Variants in DNAH7 observed in about 807,000 individuals in gnomAD.
DNAH7 encodes axonemal beta dynein heavy chain 7.
In DNAH7, 397 loss-of-function variants were observed where a neutral mutation model predicts 444.6. The ratio of observed to expected loss-of-function variants is 0.89; its 90% CI spans 0.82 to 0.97. The LOEUF is 0.97. DNAH7 is among the 50% of genes least tolerant of loss of function. The pLI is 0.00. For missense variants in DNAH7, 4,902 were observed against 4,800.8 expected, an observed-to-expected ratio of 1.02 and a Z score of -0.62; for synonymous variants, 1,636 against 1,624.4, an observed-to-expected ratio of 1.01 and a Z score of -0.17.
At chr2:195,790,640 GC>G (rs1695837588) in intron 57 of DNAH7, among the ~76,000 whole-genome samples, 2 of 152,118 alleles carry the variant, frequency 1.3e-5, no homozygotes, top group Admixed American at 1.3e-4. Flanking sequence ...CTAGCCATAT[GC>G]AGAAGAATGA....
At chr2:195,944,609 C>T (rs564665347) in intron 19 of DNAH7, among the ~76,000 whole-genome samples, 6 of 152,236 alleles carry the variant, frequency 3.9e-5, no homozygotes, top group African/African-American at 1.2e-4. Context: ...TTTCACCACC[C>T]CATGCTTTGC....
At chr2:196,034,965 G>A (rs187486472) in intron 5 of DNAH7, among the ~76,000 whole-genome samples, 20 of 152,276 alleles carry the variant, frequency 1.3e-4, no homozygotes, top group Non-Finnish European at 1.9e-4. Context: ...TGGATCACCC[G>A]AGGTCAGGAG....
At chr2:195,890,759 T>G (rs974326244) in intron 31 of DNAH7, among the ~76,000 whole-genome samples, 1 of 152,316 alleles carries the variant, frequency 6.6e-6, no homozygotes, top group East Asian at 1.9e-4. Context: ...CTAAGGTCTT[T>G]CCAGCAATAA....
At chr2:196,037,103 C>A (rs181381055) in intron 5 of DNAH7, among the ~76,000 whole-genome samples, 3 of 152,186 alleles carry the variant, frequency 2.0e-5, no homozygotes, top group East Asian at 3.8e-4. Context: ...CAAACACCCA[C>A]AGCCTAGCCA....
chr2:195,934,752 C>A lies in DNAH7; in HGVS notation c.3310G>T (p.Ala1104Ser), dbSNP rs774395604. The A allele has an allele frequency of 1.1e-5, 17 of 1,614,050 alleles. No individual in the cohort carries two copies. In the East Asian group the frequency reaches 3.8e-4, roughly 36 times the overall value. ...AAAGTTTCCGTAAATTCTACCTTTG[C>A]GATTCCTTCAAAACATTTCTTCAAG... Reference protein sequence around the residue: ...PHLKKCFEGIAKVEFTETLDI... With the variant: ...PHLKKCFEGISKVEFTETLDI... The change falls in exon 21 of 65, where the codon GCA becomes TCA. Residue 1104 changes from alanine to serine, a missense_variant. Ala to Ser is a moderately conservative substitution (Grantham distance 99). Coordinates refer to ENST00000312428, the MANE Select transcript of DNAH7 (RefSeq NM_018897.3).
intron 1 of DNAH7, among the ~76,000 whole-genome samples, chr2:196,061,695 G>A (rs1373030989): frequency 6.6e-6 from 1 of 152,148 alleles, no homozygotes; most frequent in African/African-American, 2.4e-5. Flanking sequence ...AGAAAGTGGA[G>A]AGTGGAAAGA....
At chr2:195,986,136 C>T (rs1223087745) in intron 14 of DNAH7, among the ~76,000 whole-genome samples, 3 of 152,198 alleles carry the variant, frequency 2.0e-5, no homozygotes, top group African/African-American at 7.2e-5. Flanking sequence ...ATTCTCCCCT[C>T]TCCCCCAAAC....
intron 57 of DNAH7, among the ~76,000 whole-genome samples, chr2:195,788,920 T>C (rs1301085170): frequency 6.6e-6 from 1 of 152,246 alleles, no homozygotes; most frequent in African/African-American, 2.4e-5. Flanking sequence ...TGTATGTGTG[T>C]ACATGTATAT....
At chr2:195,776,799 TA>T (rs1314966999) in intron 59 of DNAH7, among the ~76,000 whole-genome samples, 2 of 152,210 alleles carry the variant, frequency 1.3e-5, no homozygotes, top group Non-Finnish European at 2.9e-5. Context: ...GGACGTCTAT[TA>T]AAATTTCATA....
intron 61 of DNAH7, among the ~76,000 whole-genome samples, chr2:195,767,396 A>G (rs1694637813): frequency 6.6e-6 from 1 of 152,080 alleles, no homozygotes; most frequent in Non-Finnish European, 1.5e-5. Context: ...AAAGTATATT[A>G]TACTCTTGTG....
chr2:195,947,507 T>G (rs561152452), intron 19 of DNAH7, among the ~76,000 whole-genome samples: 1 of 152,174 alleles, frequency 6.6e-6, no homozygotes. Flanking sequence ...TGTGTGCTCA[T>G]TGTTCTACTC....
In DNAH7 at chr2:195,900,739, G is replaced by A. The variant is rs1478841580; in HGVS notation, c.4336-245C>T. Reference sequence around the variant, plus strand: ...ATAAATTCTAGTGTACTGTAGCACTGTGGGGTGACTATAGTTAAAAATAAT... The same window carrying A: ...ATAAATTCTAGTGTACTGTAGCACTATGGGGTGACTATAGTTAAAAATAAT... On this transcript the variant is annotated intron_variant, in intron 27 of 64. Transcript: ENST00000312428. 2.0e-5 allele frequency: 7 copies of A among 347,390 alleles called. No homozygotes were observed. In the East Asian group the frequency reaches 3.6e-4, roughly 18 times the overall value. The allele number at this position is 347,390 out of a possible 1,614,324, so 21.5% of individuals were successfully genotyped here. A position where few individuals can be genotyped will look rare whatever the true frequency, so the allele number is the denominator to read the frequency against.
intron 1 of DNAH7, among the ~76,000 whole-genome samples, chr2:196,064,849 T>C (rs1391239306): frequency 6.6e-6 from 1 of 152,216 alleles, no homozygotes; most frequent in Non-Finnish European, 1.5e-5. Context: ...ATTTAACTTA[T>C]TTCCAATGTT....
chr2:195,770,615 C>T (rs1338362254), intron 61 of DNAH7, among the ~76,000 whole-genome samples: 1 of 152,174 alleles, frequency 6.6e-6, no homozygotes, highest in African/African-American at 2.4e-5. Flanking sequence ...AGTCATTCCT[C>T]AGAGGGACCT....
chr2:195,933,961 C>T (rs1479903013), intron 21 of DNAH7, among the ~76,000 whole-genome samples: 2 of 151,896 alleles, frequency 1.3e-5, no homozygotes, highest in African/African-American at 4.8e-5. Context: ...TGTTCCTTTG[C>T]TCCATCATGA....
chr2:195,893,538 T>C (rs1257379570), intron 30 of DNAH7: 1 of 152,282 alleles, frequency 6.6e-6, no homozygotes, highest in African/African-American at 2.4e-5. Flanking sequence ...CAGCCCAGAA[T>C]AGTAATCTTA....
Position 195,949,389 on chromosome 2 carries a change from T to C in DNAH7, c.3078+7872A>G, listed in dbSNP as rs189455494. On this transcript the variant is annotated intron_variant, in intron 19 of 64. Coordinates refer to ENST00000312428, the MANE Select transcript of DNAH7 (RefSeq NM_018897.3). Reference sequence around the variant, plus strand: ...ACCTCTGCCTCCCGAGTTCAAGCAATTCTCCTGTCTTCGCTTCCTGAGTAG... The same window carrying C: ...ACCTCTGCCTCCCGAGTTCAAGCAACTCTCCTGTCTTCGCTTCCTGAGTAG... Among the ~76,000 whole-genome samples the C allele has an allele frequency of 6.8e-4, 103 of 152,246 alleles. 1 individual carries two copies. The highest frequency in any genetic ancestry group is 5.9e-5 in the Non-Finnish European group (4 of 68,016).
intron 21 of DNAH7, among the ~76,000 whole-genome samples, chr2:195,930,333 A>G (rs538655413): frequency 6.6e-6 from 1 of 152,190 alleles, no homozygotes; most frequent in Admixed American, 6.5e-5. Flanking sequence ...AGAGCGAGAC[A>G]CCGCCTCAAA....
At chr2:195,961,006 G>GT (rs1458354634) in intron 17 of DNAH7, 61 bp from the exon 18 acceptor site, 2 of 1,319,844 alleles carry the variant, frequency 1.5e-6, no homozygotes, top group East Asian at 2.6e-5. Context: ...TGCAAATTAA[G>GT]TTTTTTTAAA....
Sources: allele counts gnomAD v4.1 joint callset (sites outside exome capture counted in the v4.1 genomes callset), GRCh38; gene constraint gnomAD v4.1.1; transcripts MANE v1.5; gene names NCBI Gene and HGNC (gene_info 2026-07-23, HGNC 2026-07-21).